Variants in LIMCH1 observed in about 807,000 individuals in gnomAD.
The protein encoded by LIMCH1 is LIM and calponin homology domains 1.
Under a neutral mutation model 176.5 loss-of-function variants are expected in LIMCH1, and 113 were observed. The observed-to-expected ratio is 0.64, with a 90% CI of 0.55 to 0.75. LIMCH1 has a LOEUF of 0.75. LIMCH1 is among the 30% of genes least tolerant of loss of function. LIMCH1 has a pLI of 0.00. For synonymous variants in LIMCH1, 619 were observed against 645.9 expected (o/e 0.96, Z 0.63); for missense variants, 1,674 against 1,814.9 (o/e 0.92, Z 1.41).
At chr4:41,581,143 TATC>T (rs747975610) in intron 1 of LIMCH1, among the ~76,000 whole-genome samples, 1,588 of 133,508 alleles carry the variant, frequency 0.012, 11 homozygotes, top group Admixed American at 0.019. Flanking sequence ...TCTATCTATC[TATC>T]ATCTAATCAA....
intron 2 of LIMCH1, among the ~76,000 whole-genome samples, chr4:41,503,794 A>G (rs2073785610): frequency 6.6e-6 from 1 of 152,070 alleles, no homozygotes; most frequent in South Asian, 2.1e-4. Flanking sequence ...TTTGTCCTCT[A>G]CCAGTCGGTT....
intron 26 of LIMCH1, among the ~76,000 whole-genome samples, chr4:41,684,119 C>A (rs1453881147): frequency 6.6e-6 from 1 of 152,198 alleles, no homozygotes; most frequent in Non-Finnish European, 1.5e-5. Context: ...TTGTGAACAT[C>A]AGGTTAGCTC....
chr4:41,441,485 G>C (rs1279210856), intron 1 of LIMCH1, among the ~76,000 whole-genome samples: 1 of 152,034 alleles, frequency 6.6e-6, no homozygotes, highest in Non-Finnish European at 1.5e-5. Context: ...TTGTGCCTTG[G>C]TTTTAATATG....
intron 1 of LIMCH1, among the ~76,000 whole-genome samples, chr4:41,461,729 T>C (rs142687311): frequency 1.3e-5 from 2 of 152,340 alleles, no homozygotes; most frequent in East Asian, 3.9e-4. Context: ...TTAAAATTTT[T>C]TTGAGGATTT....
At chr4:41,642,622 A>T (rs191701912) in intron 14 of LIMCH1, among the ~76,000 whole-genome samples, 6 of 152,034 alleles carry the variant, frequency 3.9e-5, no homozygotes, top group Admixed American at 1.3e-4. Flanking sequence ...GCAGTGATGT[A>T]ATCTCAGCTC....
intron 1 of LIMCH1, among the ~76,000 whole-genome samples, chr4:41,568,139 C>T (rs1165415676): frequency 3.3e-5 from 5 of 152,018 alleles, no homozygotes; most frequent in East Asian, 1.9e-4. Flanking sequence ...GGCGACAGAG[C>T]GAGACTCCTT....
chr4:41,412,352 G>A (rs1251848428), intron 1 of LIMCH1, among the ~76,000 whole-genome samples: 2 of 152,168 alleles, frequency 1.3e-5, no homozygotes, highest in African/African-American at 2.4e-5. Flanking sequence ...GATGGCTGTT[G>A]TTCTAGGTGC....
chr4:41,602,738 G>A (rs1480835592), intron 2 of LIMCH1, among the ~76,000 whole-genome samples: 4 of 151,854 alleles, frequency 2.6e-5, no homozygotes, highest in African/African-American at 9.7e-5. Context: ...AACCTAGGAG[G>A]TGTAGGTTGC....
upstream of LIMCH1, among the ~76,000 whole-genome samples, chr4:41,360,452 G>A (rs1342746015): frequency 6.6e-6 from 1 of 152,122 alleles, no homozygotes; most frequent in Non-Finnish European, 1.5e-5. This position sits in a 1 kb window ranked among gnomAD's most constrained non-coding sequence, Gnocchi z 4.5. Context: ...GGACGTGCGG[G>A]GCGGCCAGCG....
chr4:41,468,394 C>T (rs1177633244), intron 1 of LIMCH1, among the ~76,000 whole-genome samples: 1 of 133,668 alleles, frequency 7.5e-6, no homozygotes, highest in Non-Finnish European at 1.6e-5. Context: ...CCCTCCCTCC[C>T]TTCCTCCCTT....
Position 41,538,555 on chromosome 4 carries a change from C to T in LIMCH1, c.-241+205C>T, listed in dbSNP as rs1297292337. ...TTAGCACCTGTTGCTTTTAATTAAGCTTTTTTTTTTTTTTAATTCCCTAAG... is the reference window on the plus strand; with the variant it reads ...TTAGCACCTGTTGCTTTTAATTAAGTTTTTTTTTTTTTTTAATTCCCTAAG... On this transcript the variant is annotated intron_variant, in intron 1 of 31. Transcript: ENST00000503057. Among the ~76,000 whole-genome samples the T allele has an allele frequency of 3.5e-5, 5 of 143,216 alleles. No homozygotes were observed. In the East Asian group the frequency reaches 6.2e-4, roughly 18 times the overall value. The allele number at this position is 143,216 out of a possible 152,430, so 94.0% of individuals were successfully genotyped here. A position where few individuals can be genotyped will look rare whatever the true frequency, so the allele number is the denominator to read the frequency against.
intron 1 of LIMCH1, among the ~76,000 whole-genome samples, chr4:41,541,714 C>T (rs1561683701): frequency 6.6e-6 from 1 of 152,212 alleles, no homozygotes; most frequent in South Asian, 2.1e-4. Flanking sequence ...GTCATTTCTT[C>T]CACAGCAGCC....
Position 41,650,587 on chromosome 4 carries a change from C to T in LIMCH1, c.3015C>T (p.Asn1005=), listed in dbSNP as rs1439350641. The change falls in exon 18 of 32, where the codon AAC becomes AAT. Residue 1005 remains asparagine, a synonymous_variant. Transcript: ENST00000503057. ...TCGAGATCAACATAAAGAAGCCAAACTCTGTTCCCCAAGAGCTCGCAGTAA... is the reference window on the plus strand; with the variant it reads ...TCGAGATCAACATAAAGAAGCCAAATTCTGTTCCCCAAGAGCTCGCAGTAA... The part of the protein sequence containing the change: ...GSIEINIKKP[N]SVPQELAATT... 4 of 1,613,610 alleles carry T rather than the reference C, an allele frequency of 2.5e-6. No individual in the cohort carries two copies. Among genetic ancestry groups the T allele is most frequent in the African/African-American group, 1.3e-5 (1 of 74,924 alleles).
At chr4:41,542,957 T>C (rs914282336) in intron 1 of LIMCH1, among the ~76,000 whole-genome samples, 77 of 152,368 alleles carry the variant, frequency 5.1e-4, no homozygotes, top group Middle Eastern at 6.8e-3. Flanking sequence ...GATTATCTTA[T>C]ATAATGGCCA....
chr4:41,643,319 G>GTT (rs200749576), intron 14 of LIMCH1, among the ~76,000 whole-genome samples: 3 of 150,042 alleles, frequency 2.0e-5, no homozygotes, highest in Non-Finnish European at 3.0e-5. Flanking sequence ...GTGCATGGTA[G>GTT]TTTTTTTTTT....
intron 1 of LIMCH1, among the ~76,000 whole-genome samples, chr4:41,468,782 C>T (rs1251376799): frequency 1.3e-5 from 2 of 152,100 alleles, no homozygotes; most frequent in Non-Finnish European, 1.5e-5. Context: ...CTTTCGTACA[C>T]ACCTAGTGTC....
intron 1 of LIMCH1, among the ~76,000 whole-genome samples, chr4:41,565,154 A>C (rs1169567506): frequency 1.3e-5 from 2 of 152,124 alleles, no homozygotes; most frequent in Non-Finnish European, 2.9e-5. Context: ...GTGATGGGAC[A>C]CTGCTGTTTT....
chr4:41,514,327 G>T (rs1583356136), intron 2 of LIMCH1, among the ~76,000 whole-genome samples: 1 of 152,266 alleles, frequency 6.6e-6, no homozygotes, highest in African/African-American at 2.4e-5. Context: ...GAGGTGGAAG[G>T]TACAGTCTCT....
intron 1 of LIMCH1, among the ~76,000 whole-genome samples, chr4:41,475,539 G>A (rs188515273): frequency 2.0e-5 from 3 of 152,330 alleles, no homozygotes. Context: ...GCTGGCAAAT[G>A]CTGTACATTA....
Sources: allele counts gnomAD v4.1 joint callset (sites outside exome capture counted in the v4.1 genomes callset), GRCh38; gene constraint gnomAD v4.1.1; non-coding constraint Gnocchi (gnomAD v3.1); transcripts MANE v1.5; gene names NCBI Gene and HGNC (gene_info 2026-07-23, HGNC 2026-07-21).